Variants in PABPC4L observed in about 807,000 individuals in gnomAD.
PABPC4L encodes the protein poly(A) binding protein cytoplasmic 4 like.
For synonymous variants in PABPC4L, 169 were observed against 164.1 expected (o/e 1.03, Z -0.23); for missense variants, 452 against 451.4 (o/e 1.00, Z -0.01).
chr4:133,985,850 T>C, the PABPC4L span, among the ~76,000 whole-genome samples: 2 of 152,074 alleles, frequency 1.3e-5, no homozygotes, highest in East Asian at 1.9e-4. Context: ...ATGTACCATA[T>C]AATATTACTT....
At chr4:133,961,812 T>C in the PABPC4L span, among the ~76,000 whole-genome samples, 1 of 152,146 alleles carries the variant, frequency 6.6e-6, no homozygotes. Context: ...CAGTGAGGCA[T>C]GTCCATTGCC....
chr4:134,077,196 T>C, the PABPC4L span, among the ~76,000 whole-genome samples: 2 of 152,194 alleles, frequency 1.3e-5, no homozygotes, highest in South Asian at 4.1e-4. Flanking sequence ...CTTGAAATGT[T>C]CCATCTTGAA....
At chr4:134,027,597 A>G in the PABPC4L span, among the ~76,000 whole-genome samples, 44 of 152,294 alleles carry the variant, frequency 2.9e-4, no homozygotes, top group African/African-American at 1.1e-3. Flanking sequence ...AAATACCCAG[A>G]AATAATATTG....
chr4:134,186,540 T>C, the PABPC4L span, among the ~76,000 whole-genome samples: 1 of 152,074 alleles, frequency 6.6e-6, no homozygotes, highest in East Asian at 1.9e-4. Context: ...CAAAAATTAA[T>C]TCAAAATGGA....
chr4:134,141,412 G>A, the PABPC4L span, among the ~76,000 whole-genome samples: 9 of 150,952 alleles, frequency 6.0e-5, no homozygotes, highest in South Asian at 1.2e-3. Flanking sequence ...ACCTTGATGA[G>A]CTATAGTTTT....
At chr4:133,960,421 C>T in the PABPC4L span, among the ~76,000 whole-genome samples, 1 of 152,174 alleles carries the variant, frequency 6.6e-6, no homozygotes, top group Non-Finnish European at 1.5e-5. Flanking sequence ...ACCCTGGGAG[C>T]TTGCTGGGTC....
chr4:134,199,636 T>A lies in PABPC4L; in HGVS notation c.*271A>T. 1 of 332,876 alleles carries A rather than the reference T, an allele frequency of 3.0e-6. No individual in the cohort carries two copies. The highest frequency in any genetic ancestry group is 4.6e-5 in the Admixed American group (1 of 21,798). 20.6% of individuals were successfully genotyped at this position (332,876 alleles called of 1,614,324 possible). ...TTTGGTTCAAATGTAAAAATATATC[T>A]ATTTATACTTATTGCTATGAACATA... On this transcript the variant is annotated 3_prime_UTR_variant, in exon 2 of 2. Coordinates refer to ENST00000421491, the MANE Select transcript of PABPC4L (RefSeq NM_001114734.2).
the PABPC4L span, among the ~76,000 whole-genome samples, chr4:134,074,378 T>C: frequency 2.0e-5 from 3 of 152,194 alleles, no homozygotes; most frequent in Non-Finnish European, 2.9e-5. Context: ...ACTGTTGGCA[T>C]TTTGGTCAAA....
the PABPC4L span, among the ~76,000 whole-genome samples, chr4:134,122,171 T>C: frequency 6.6e-6 from 1 of 151,926 alleles, no homozygotes; most frequent in East Asian, 1.9e-4. Context: ...CTTGGTGTGG[T>C]TAAGATTAAT....
the PABPC4L span, among the ~76,000 whole-genome samples, chr4:133,956,253 A>C: frequency 6.6e-6 from 1 of 152,338 alleles, no homozygotes; most frequent in African/African-American, 2.4e-5. Flanking sequence ...GAATGTAATT[A>C]TAATTAGTAT....
At chr4:134,132,892 AATATTAT>A in the PABPC4L span, among the ~76,000 whole-genome samples, 2 of 146,794 alleles carry the variant, frequency 1.4e-5, no homozygotes, top group Admixed American at 1.4e-4. Flanking sequence ...AATGTATTAA[AATATTAT>A]ATATTATATA....
At chr4:134,184,913 TA>T in the PABPC4L span, among the ~76,000 whole-genome samples, 69,299 of 151,352 alleles carry the variant, frequency 0.46, 18,466 homozygotes, top group East Asian at 0.98. Context: ...ACTGCACTGT[TA>T]TTTTTATTTG....
chr4:134,100,882 T>C, the PABPC4L span, among the ~76,000 whole-genome samples: 15 of 151,592 alleles, frequency 9.9e-5, no homozygotes, highest in African/African-American at 1.4e-4. Flanking sequence ...AACCTTATAA[T>C]AGAGCTTTAA....
At chr4:134,065,386 T>G in the PABPC4L span, among the ~76,000 whole-genome samples, 1 of 152,128 alleles carries the variant, frequency 6.6e-6, no homozygotes, top group African/African-American at 2.4e-5. Context: ...GCTGTACGTA[T>G]GTCTTCTTTT....
At chr4:134,154,242 G>T in the PABPC4L span, among the ~76,000 whole-genome samples, 1 of 152,098 alleles carries the variant, frequency 6.6e-6, no homozygotes, top group Non-Finnish European at 1.5e-5. Context: ...GACTGCCTGA[G>T]CTCAGGAGTT....
At chr4:133,961,879 T>G in the PABPC4L span, among the ~76,000 whole-genome samples, 4 of 152,180 alleles carry the variant, frequency 2.6e-5, no homozygotes, top group East Asian at 7.8e-4. Flanking sequence ...GTGCCCAGGG[T>G]TTGTCCTAAT....
the PABPC4L span, among the ~76,000 whole-genome samples, chr4:133,974,549 T>C: frequency 6.6e-6 from 1 of 152,044 alleles, no homozygotes; most frequent in Admixed American, 6.6e-5. Context: ...CTAAAACCCT[T>C]TGTGTTTCAA....
the PABPC4L span, among the ~76,000 whole-genome samples, chr4:134,019,173 G>A: frequency 1.3e-5 from 2 of 152,114 alleles, no homozygotes. Flanking sequence ...AAGAATGAGA[G>A]AAGGAATCTG....
the PABPC4L span, among the ~76,000 whole-genome samples, chr4:134,112,610 C>A: frequency 2.9e-5 from 4 of 139,626 alleles, no homozygotes; most frequent in Non-Finnish European, 3.2e-5. Flanking sequence ...ATCTATCTAT[C>A]TATCTATATA....
Sources: gnomAD v4.1 joint callset for allele counts (sites outside exome capture counted in the v4.1 genomes callset) on GRCh38, gnomAD v4.1.1 for gene constraint, MANE v1.5 for transcripts, NCBI Gene and HGNC (gene_info 2026-07-23, HGNC 2026-07-21) for gene names.